Variants in OTOGL observed in about 807,000 individuals in gnomAD.
The protein encoded by OTOGL is otogelin like.
OTOGL carries 285 observed loss-of-function variants against 318.5 expected under a neutral mutation model. That is an observed-to-expected ratio of 0.89 (90% CI 0.81 to 0.99). The LOEUF (loss-of-function observed/expected upper bound fraction) is 0.99. Among genes scored for constraint, OTOGL ranks in the 50% least tolerant of loss-of-function variants. The pLI is 0.00. For missense variants in OTOGL, 2,899 were observed against 2,845.6 expected (o/e 1.02, Z -0.43); for synonymous variants, 987 against 936.5 (o/e 1.05, Z -0.99).
chr12:80,322,669 A>C (rs1887415919), intron 34 of OTOGL, among the ~76,000 whole-genome samples: 1 of 152,194 alleles, frequency 6.6e-6, no homozygotes, highest in Non-Finnish European at 1.5e-5. Context: ...CTGCTACAAA[A>C]GGACTTCTCT....
At position 80,258,006 on chromosome 12, in the gene OTOGL, A is replaced by T. The variant is rs770547345; in HGVS notation, c.1889+4A>T. On this transcript the variant is annotated splice_donor_region_variant and intron_variant, in intron 18 of 58. Transcript: ENST00000547103. ...GCAACATAAGGGATGATTTTCTGTAAGTATGATTTCTGCATAGTTAACATA... is the reference window on the plus strand; with the variant it reads ...GCAACATAAGGGATGATTTTCTGTATGTATGATTTCTGCATAGTTAACATA... The T allele has an allele frequency of 1.3e-6, 2 of 1,574,834 alleles. No individual in the cohort carries two copies. Among genetic ancestry groups the T allele is most frequent in the Non-Finnish European group, 1.7e-6 (2 of 1,171,494 alleles).
intron 52 of OTOGL, among the ~76,000 whole-genome samples, chr12:80,363,610 GA>G (rs1231595321): frequency 6.6e-6 from 1 of 152,152 alleles, no homozygotes; most frequent in East Asian, 1.9e-4. Context: ...TGCACACCAA[GA>G]ATCCAAGATT....
chr12:80,134,943 C>T (rs1470279138), intron 1 of OTOGL, among the ~76,000 whole-genome samples: 1 of 152,196 alleles, frequency 6.6e-6, no homozygotes, highest in Non-Finnish European at 1.5e-5. Flanking sequence ...AGGTAGTCTT[C>T]AGCAATATCT....
Position 80,379,948 on chromosome 12 carries a change from A to G in OTOGL, c.*1900A>G, listed in dbSNP as rs966563718. 1 of 152,038 alleles carries G rather than the reference A, an allele frequency of 6.6e-6. No homozygotes were observed. The highest frequency in any genetic ancestry group is 6.6e-5 in the Admixed American group (1 of 15,254). 9.4% of individuals were successfully genotyped at this position (152,038 alleles called of 1,614,324 possible). A position where few individuals can be genotyped will look rare whatever the true frequency, so the allele number is the denominator to read the frequency against. The stretch of plus-strand genomic sequence containing the variant: ...AAGCAGGCCTTAAATAGCCATACAT[A>G]TGATATGAGAATGTCCAGAAAGAGA... On this transcript the variant is annotated 3_prime_UTR_variant, in exon 59 of 59. Coordinates refer to ENST00000547103, the MANE Select transcript of OTOGL (RefSeq NM_001378609.3).
intron 44 of OTOGL, 28 bp from the exon 45 acceptor site, chr12:80,352,267 C>G (rs545933946): frequency 5.0e-6 from 8 of 1,586,660 alleles, no homozygotes; most frequent in Non-Finnish European, 6.9e-6. Flanking sequence ...AACAATATAA[C>G]TTATTTCAAG....
In OTOGL at chr12:80,233,031, G is replaced by C; in HGVS notation, c.751G>C (p.Gly251Arg). 1 of 1,598,692 alleles carries C rather than the reference G, an allele frequency of 6.3e-7. No homozygotes were observed. Reference protein sequence around the residue: ...IYLKLSEDHKGKSCGLCGNYN... With the variant: ...IYLKLSEDHKRKSCGLCGNYN... ...CCTCAAGCTGTCTGAGGACCATAAGGGGAAATCATGTGGCCTATGTGGAAA... is the reference window on the plus strand; with the variant it reads ...CCTCAAGCTGTCTGAGGACCATAAGCGGAAATCATGTGGCCTATGTGGAAA... The change falls in exon 9 of 59, where the codon GGG (glycine) becomes CGG (arginine). Residue 251 changes from glycine (G) to arginine (R), a missense_variant. Coordinates refer to ENST00000547103, the MANE Select transcript of OTOGL (RefSeq NM_001378609.3).
intron 26 of OTOGL, 57 bp downstream of exon 26, chr12:80,279,223 C>G: frequency 2.0e-6 from 3 of 1,463,782 alleles, no homozygotes; most frequent in Non-Finnish European, 2.8e-6. Flanking sequence ...ATGTAAAAAA[C>G]AAGTATGCTG....
At chr12:80,370,222 A>G (rs1890791972) in intron 55 of OTOGL, among the ~76,000 whole-genome samples, 1 of 151,972 alleles carries the variant, frequency 6.6e-6, no homozygotes, top group East Asian at 1.9e-4. Flanking sequence ...GACCTTTGAC[A>G]CTTGGTTAAA....
At chr12:80,309,558 C>T (rs1886489916) in intron 29 of OTOGL, among the ~76,000 whole-genome samples, 1 of 152,168 alleles carries the variant, frequency 6.6e-6, no homozygotes, top group Non-Finnish European at 1.5e-5. Flanking sequence ...AAGTATAGAT[C>T]TGCAAGATAC....
At chr12:80,236,449 T>C (rs1376033760) in intron 9 of OTOGL, among the ~76,000 whole-genome samples, 1 of 152,160 alleles carries the variant, frequency 6.6e-6, no homozygotes, top group Non-Finnish European at 1.5e-5. Flanking sequence ...TTTAGGACCC[T>C]TGATGCAGTA....
rs1489022788 is a variant in OTOGL, at chr12:80,370,605, T to C, written c.6651T>C (p.Tyr2217=). 1 of 1,579,814 alleles carries C rather than the reference T, an allele frequency of 6.3e-7. No homozygotes were observed. Among genetic ancestry groups the C allele is most frequent in the Non-Finnish European group, 8.6e-7 (1 of 1,161,936 alleles). ...GSTWHYNCTT[Y]ECVKTDEGAI... Reference sequence around the variant, plus strand: ...CCTGGCACTACAATTGCACCACATATGAATGTGTTAAAACTGATGAAGGAG... The same window carrying C: ...CCTGGCACTACAATTGCACCACATACGAATGTGTTAAAACTGATGAAGGAG... Residue 2217 remains tyrosine, a synonymous_variant, in exon 56 of 59, where the codon TAT becomes TAC. Coordinates refer to ENST00000547103, the MANE Select transcript of OTOGL (RefSeq NM_001378609.3).
At chr12:80,143,429 A>G (rs1183400079) in intron 1 of OTOGL, among the ~76,000 whole-genome samples, 3 of 152,156 alleles carry the variant, frequency 2.0e-5, no homozygotes, top group Non-Finnish European at 4.4e-5. Flanking sequence ...GCCTGTGTTC[A>G]AAGTGATCCC....
chr12:80,257,650 A>G (rs1262422385), intron 17 of OTOGL, among the ~76,000 whole-genome samples, 175 bp from the exon 18 acceptor site: 2 of 152,018 alleles, frequency 1.3e-5, no homozygotes, highest in Non-Finnish European at 2.9e-5. Context: ...AATAGGAGGG[A>G]AAAAAGGCAG....
chr12:80,294,112 T>A (rs532488173), intron 26 of OTOGL, among the ~76,000 whole-genome samples: 1 of 152,276 alleles, frequency 6.6e-6, no homozygotes, highest in East Asian at 1.9e-4. Flanking sequence ...TTCCTCCAGC[T>A]TTGTTGTCAT....
At chr12:80,364,678 T>C (rs1185098791) in intron 52 of OTOGL, among the ~76,000 whole-genome samples, 1 of 152,142 alleles carries the variant, frequency 6.6e-6, no homozygotes, top group Non-Finnish European at 1.5e-5. Context: ...TATGTGGTCT[T>C]TGTGTCTGGC....
At chr12:80,168,302 A>C (rs1265669229) in intron 1 of OTOGL, among the ~76,000 whole-genome samples, 2 of 152,068 alleles carry the variant, frequency 1.3e-5, no homozygotes, top group African/African-American at 4.8e-5. Flanking sequence ...ACTCATCCTA[A>C]TGTTTTTTCA....
At chr12:80,222,916 T>C (rs1298354469) in intron 7 of OTOGL, among the ~76,000 whole-genome samples, 2 of 152,062 alleles carry the variant, frequency 1.3e-5, no homozygotes, top group East Asian at 3.9e-4. Context: ...TTCTTTTTTT[T>C]CATAGGTTTT....
At chr12:80,287,192 T>C (rs772953828) in intron 26 of OTOGL, among the ~76,000 whole-genome samples, 2 of 151,798 alleles carry the variant, frequency 1.3e-5, no homozygotes, top group Non-Finnish European at 2.9e-5. Context: ...TCAGTTTCCA[T>C]GTAGTTGTGC....
intron 26 of OTOGL, among the ~76,000 whole-genome samples, chr12:80,292,557 C>T (rs1885116490): frequency 6.6e-6 from 1 of 152,148 alleles, no homozygotes. Context: ...CACAAACTTC[C>T]TTAAGGAAGC....
Sources: gnomAD v4.1 joint callset for allele counts (sites outside exome capture counted in the v4.1 genomes callset) on GRCh38, gnomAD v4.1.1 for gene constraint, MANE v1.5 for transcripts, NCBI Gene and HGNC (gene_info 2026-07-23, HGNC 2026-07-21) for gene names.